Variants in MED25 observed in about 807,000 individuals in gnomAD.
The protein encoded by MED25 is mediator of RNA polymerase II transcription subunit 25.
MED25 carries 62 observed loss-of-function variants against 89.4 expected under a neutral mutation model. That is an observed-to-expected ratio of 0.69 (90% confidence interval 0.57 to 0.86). MED25 has a LOEUF of 0.86. Ranked by LOEUF, MED25 falls within the 40% of genes least tolerant of loss-of-function variation. The probability of loss-of-function intolerance (pLI) is 0.00; values close to 1 mark genes in which losing one functional copy is unlikely to be tolerated. For synonymous variants in MED25, 449 were observed against 427.9 expected, an observed-to-expected ratio of 1.05 and a Z score of -0.61; for missense variants, 905 against 1,005.2, an observed-to-expected ratio of 0.90 and a Z score of 1.35.
chr19:49,828,249 A>G (rs1490113995), intron 3 of MED25, among the ~76,000 whole-genome samples, 200 bp from the exon 4 acceptor site: 1 of 146,398 alleles, frequency 6.8e-6, no homozygotes, highest in Non-Finnish European at 1.5e-5. Flanking sequence ...AAAAACACAG[A>G]CAGCAAATGT....
At position 49,819,110 on chromosome 19, in the gene MED25, C is replaced by T. The variant is rs559167535; in HGVS notation, c.181-62C>T. The T allele has an allele frequency of 2.1e-5, 34 of 1,604,818 alleles. 2 individuals are homozygous for T. In the South Asian group the frequency reaches 3.0e-4, roughly 14 times the overall value. On this transcript the variant is annotated intron_variant, in intron 2 of 17. Coordinates refer to ENST00000312865, the MANE Select transcript of MED25 (RefSeq NM_030973.4). ...AACGGGAAGCTGGGAGCCCTGATTC[C>T]TTCTCTAAGGGAAAAGGGAATTGAG...
At position 49,836,463 on chromosome 19, in the gene MED25, G is replaced by A. The variant is rs1477991141; in HGVS notation, c.2146+57G>A. 6.5e-7 allele frequency: 1 copy of A among 1,538,976 alleles called. No individual in the cohort carries two copies. The highest frequency in any genetic ancestry group is 8.8e-7 in the Non-Finnish European group (1 of 1,135,132). On this transcript the variant is annotated intron_variant, in intron 17 of 17. Coordinates refer to ENST00000312865, the MANE Select transcript of MED25 (RefSeq NM_030973.4). This position sits in a 1 kb window ranked among gnomAD's most constrained non-coding sequence, Gnocchi z 5.1. ...GACTGAGTGTCCCAGCAGCTCCTGG[G>A]CTAGAGCACCAAGACCGAGTGCTCC...
intron 3 of MED25, among the ~76,000 whole-genome samples, chr19:49,824,670 A>T (rs943301632): frequency 1.7e-4 from 26 of 152,120 alleles, no homozygotes; most frequent in African/African-American, 5.6e-4. Flanking sequence ...TTGTTCATTC[A>T]TATGTTCACT....
chr19:49,827,510 A>G (rs1335496329), intron 3 of MED25, among the ~76,000 whole-genome samples: 4 of 152,002 alleles, frequency 2.6e-5, no homozygotes, highest in East Asian at 1.9e-4. Context: ...CCGTCCTCAC[A>G]TGGCCTCTCC....
At chr19:49,837,901 G>A (rs1568626705), downstream of MED25, among the ~76,000 whole-genome samples, 3 of 152,184 alleles carry the variant, frequency 2.0e-5, no homozygotes, top group African/African-American at 4.8e-5. Context: ...GGAAGACGGT[G>A]GGTCTGTCCC....
chr19:49,820,648 A>G (rs763111578), intron 3 of MED25, among the ~76,000 whole-genome samples: 27 of 152,374 alleles, frequency 1.8e-4, no homozygotes, highest in Admixed American at 5.2e-4. Flanking sequence ...TTTAGATAGT[A>G]TTATCAAGAC....
chr19:49,836,039 GTGGGTGTGAA>G lies in MED25; in HGVS notation c.1965+99_1965+108del, dbSNP rs1422782126. On this transcript the variant is annotated intron_variant, in intron 16 of 17. Transcript: ENST00000312865. This position sits in a 1 kb window ranked among gnomAD's most constrained non-coding sequence, Gnocchi z 5.1. ...GGAGGAGGGAGGTTGACTGTGGTCA[GTGGGTGTGAA>G]TGGGGACCCGCCCAGGGCTTTAGGC... 1 of 1,561,524 alleles carries G rather than the reference GTGGGTGTGAA, an allele frequency of 6.4e-7. No homozygotes were observed. The highest frequency in any genetic ancestry group is 1.4e-5 in the African/African-American group (1 of 73,376).
intron 3 of MED25, among the ~76,000 whole-genome samples, chr19:49,828,098 A>C (rs1042449419): frequency 6.6e-6 from 1 of 152,074 alleles, no homozygotes; most frequent in Non-Finnish European, 1.5e-5. Context: ...GTGTGGTGGC[A>C]GGCACCTGTA....
chr19:49,836,501 A>G lies in MED25; in HGVS notation c.2146+95A>G, dbSNP rs559056307. The G allele has an allele frequency of 4.6e-5, 66 of 1,430,906 alleles. No individual in the cohort carries two copies. In the Admixed American group the frequency reaches 6.5e-4, roughly 14 times the overall value. The allele number at this position is 1,430,906 out of a possible 1,614,324, so 88.6% of individuals were successfully genotyped here. A position where few individuals can be genotyped will look rare whatever the true frequency, so the allele number is the denominator to read the frequency against. ...GACCGAGTGCTCCTGGGAAGTAAAG[A>G]CATAGGATCCAAGAATGAGGGTTCC... On this transcript the variant is annotated intron_variant, in intron 17 of 17. Coordinates refer to ENST00000312865, the MANE Select transcript of MED25 (RefSeq NM_030973.4). This position sits in a 1 kb window ranked among gnomAD's most constrained non-coding sequence, Gnocchi z 5.1.
At chr19:49,826,969 C>T (rs1050943138) in intron 3 of MED25, among the ~76,000 whole-genome samples, 1 of 152,132 alleles carries the variant, frequency 6.6e-6, no homozygotes, top group Non-Finnish European at 1.5e-5. Context: ...CACGGTTGGG[C>T]CTGTAGACGT....
At chr19:49,837,786 G>A (rs2074109965), downstream of MED25, among the ~76,000 whole-genome samples, 1 of 152,194 alleles carries the variant, frequency 6.6e-6, no homozygotes, top group African/African-American at 2.4e-5. Context: ...TTAGGGGACA[G>A]TGTATGTTTG....
rs2074036346 is a variant in MED25 at position 49,829,252 on chromosome 19, C to T, written c.525+162C>T. Among the ~76,000 whole-genome samples the T allele has an allele frequency of 6.6e-6, 1 of 151,892 alleles. No individual in the cohort carries two copies. The highest frequency in any genetic ancestry group is 2.1e-4 in the South Asian group (1 of 4,826). On this transcript the variant is annotated intron_variant, in intron 5 of 17. Coordinates refer to ENST00000312865, the MANE Select transcript of MED25 (RefSeq NM_030973.4). The surrounding 1 kb of genome is among the most constrained non-coding windows in gnomAD (Gnocchi z 4.6). ...GAGGCACTGGGGGCCTGGACTCAGA[C>T]ACAGAATAGTCACAGACTGGTGACC...
chr19:49,821,413 G>A (rs1358597390), intron 3 of MED25, among the ~76,000 whole-genome samples: 3 of 152,160 alleles, frequency 2.0e-5, no homozygotes, highest in Non-Finnish European at 2.9e-5. Flanking sequence ...TCAGCTTCCC[G>A]AGTAGCTGGA....
chr19:49,821,154 C>A (rs899484103), intron 3 of MED25, among the ~76,000 whole-genome samples: 2 of 152,184 alleles, frequency 1.3e-5, no homozygotes. Context: ...GTGGGGAATC[C>A]GTTCCCAAGG....
In MED25 at chr19:49,829,120, G is replaced by A. The variant is rs1312403120; in HGVS notation, c.525+30G>A. The A allele has an allele frequency of 6.2e-7, 1 of 1,601,078 alleles. No individual in the cohort carries two copies. The highest frequency in any genetic ancestry group is 1.3e-5 in the African/African-American group (1 of 74,660). On this transcript the variant is annotated intron_variant, in intron 5 of 17. Transcript: ENST00000312865. This position sits in a 1 kb window ranked among gnomAD's most constrained non-coding sequence, Gnocchi z 4.6. ...GGACTCCAGGGTCTGAGGGACGAGG[G>A]TCTGGGGGCCCGGAGTCTTGGGTCT...
rs1398290748 is a variant in MED25 at position 49,828,986 on chromosome 19, G to A, written c.421G>A (p.Val141Ile). ...TCCTGGTAGTGGCCAGACGCACCGG[G>A]TCTGCCTCCTCATCTGCAACTCACC... The part of the protein sequence containing the change: ...MREQIGQTHR[V>I]CLLICNSPPY... The change falls in exon 5 of 18, where the codon GTC becomes ATC. Residue 141 changes from valine (V) to isoleucine (I), a missense_variant. This residue lies in a region of MED25 where 501 missense variants were observed against 526.9 expected (regional missense o/e 0.95). Coordinates refer to ENST00000312865, the MANE Select transcript of MED25 (RefSeq NM_030973.4). The A allele has an allele frequency of 1.2e-6, 2 of 1,614,108 alleles. No individual in the cohort carries two copies. Among genetic ancestry groups the A allele is most frequent in the Non-Finnish European group, 1.7e-6 (2 of 1,180,026 alleles).
chr19:49,824,596 A>G (rs2074003934), intron 3 of MED25, among the ~76,000 whole-genome samples: 1 of 151,958 alleles, frequency 6.6e-6, no homozygotes. Flanking sequence ...GGAAAAAAAA[A>G]AAAAAAAAAG....
At position 49,829,968 on chromosome 19, in the gene MED25, C is replaced by A; in HGVS notation, c.688+20C>A. The A allele has an allele frequency of 6.2e-7, 1 of 1,604,518 alleles. No individual in the cohort carries two copies. The highest frequency in any genetic ancestry group is 8.5e-7 in the Non-Finnish European group (1 of 1,173,496). On this transcript the variant is annotated intron_variant, in intron 6 of 17. Coordinates refer to ENST00000312865, the MANE Select transcript of MED25 (RefSeq NM_030973.4). This position sits in a 1 kb window ranked among gnomAD's most constrained non-coding sequence, Gnocchi z 4.6. ...TGCCTGGTGAGGCCTGGGCACCGTG[C>A]GCGGGGATGGGGGCTCGACGTGTTT...
At position 49,836,857 on chromosome 19, in the gene MED25, G is replaced by C; in HGVS notation, c.2157G>C (p.Leu719=). 6.2e-7 allele frequency: 1 copy of C among 1,611,202 alleles called. No homozygotes were observed. Among genetic ancestry groups the C allele is most frequent in the Non-Finnish European group, 8.5e-7 (1 of 1,179,086 alleles). ...CCCACTGCCCCTCAGGTCAGATGCTGCTGAGCGGGGGTCCCCGGGGCCCGG... is the reference window on the plus strand; with the variant it reads ...CCCACTGCCCCTCAGGTCAGATGCTCCTGAGCGGGGGTCCCCGGGGCCCGG... ...PPRAPLPGQM[L]LSGGPRGPVP... The change falls in exon 18 of 18, where the codon CTG becomes CTC. Residue 719 remains leucine (L), a synonymous_variant. Coordinates refer to ENST00000312865, the MANE Select transcript of MED25 (RefSeq NM_030973.4). The surrounding 1 kb of genome is among the most constrained non-coding windows in gnomAD (Gnocchi z 5.1).
Sources: allele counts gnomAD v4.1 joint callset (sites outside exome capture counted in the v4.1 genomes callset), GRCh38; gene constraint gnomAD v4.1.1; regional missense constraint gnomAD v4.1.1; non-coding constraint Gnocchi (gnomAD v3.1); transcripts MANE v1.5; gene names NCBI Gene and HGNC (gene_info 2026-07-23, HGNC 2026-07-21).